The following NPAS3 variants were observed in gnomAD, a reference collection of about 807,000 sequenced individuals.
NPAS3 encodes the protein neuronal PAS domain-containing protein 3.
NPAS3 carries 14 observed loss-of-function variants against 73.1 expected under a neutral mutation model. That is an observed-to-expected ratio of 0.19 (90% CI 0.13 to 0.30). The LOEUF (loss-of-function observed/expected upper bound fraction) is 0.30. NPAS3 is among the 10% of genes least tolerant of loss of function. NPAS3 has a pLI of 1.00. For missense variants in NPAS3, 1,096 were observed against 1,250.0 expected (o/e 0.88, Z 1.86); for synonymous variants, 620 against 541.5 (o/e 1.14, Z -2.01).
chr14:33,432,820 A>G (rs1028325342), intron 4 of NPAS3, among the ~76,000 whole-genome samples: 1 of 152,218 alleles, frequency 6.6e-6, no homozygotes, highest in African/African-American at 2.4e-5. Context: ...ACTGTAAATC[A>G]CTGTACATCA....
intron 6 of NPAS3, among the ~76,000 whole-genome samples, chr14:33,679,760 C>A (rs1405077855): frequency 6.6e-6 from 1 of 152,114 alleles, no homozygotes; most frequent in Non-Finnish European, 1.5e-5. Context: ...TGATACTATG[C>A]CACAATAGGA....
chr14:33,510,590 TTAA>T (rs34037595), intron 4 of NPAS3, among the ~76,000 whole-genome samples: 3,541 of 152,162 alleles, frequency 0.023, 123 homozygotes, highest in African/African-American at 0.079. Flanking sequence ...GGGTAAGGTG[TTAA>T]TAATGCCATT....
At chr14:33,485,999 G>C (rs2051574960) in intron 4 of NPAS3, among the ~76,000 whole-genome samples, 1 of 152,080 alleles carries the variant, frequency 6.6e-6, no homozygotes, top group South Asian at 2.1e-4. Flanking sequence ...TGAGCAGGGG[G>C]AGTGGGGGCA....
intron 5 of NPAS3, among the ~76,000 whole-genome samples, chr14:33,662,664 C>T (rs116594532): frequency 0.018 from 2,722 of 152,124 alleles, 74 homozygotes; most frequent in African/African-American, 0.062. Context: ...AGGTCTTTCG[C>T]GTCCCTTGTA....
In NPAS3 at chr14:33,102,946, A is replaced by G. The variant is rs574317733; in HGVS notation, c.140+46952A>G. 2.1e-3 allele frequency among the ~76,000 whole-genome samples: 320 copies of G among 152,294 alleles called. 2 individuals carry two copies. Among genetic ancestry groups the G allele is most frequent in the Middle Eastern group, 3.4e-3 (1 of 294 alleles). ...CAAGGGTTTTTTTGCATGGAGAACTATTACCTTACAGTATAGCAGTCTGCA... is the reference window on the plus strand; with the variant it reads ...CAAGGGTTTTTTTGCATGGAGAACTGTTACCTTACAGTATAGCAGTCTGCA... On this transcript the variant is annotated intron_variant, in intron 2 of 11. Transcript: ENST00000356141.
intron 4 of NPAS3, among the ~76,000 whole-genome samples, chr14:33,477,092 C>T (rs1392137734): frequency 7.2e-6 from 1 of 138,078 alleles, no homozygotes; most frequent in Middle Eastern, 3.6e-3. Flanking sequence ...TGTGTACACA[C>T]ATGCAATGAT....
intron 1 of NPAS3, among the ~76,000 whole-genome samples, chr14:33,047,359 T>C (rs1384220717): frequency 6.6e-6 from 1 of 152,160 alleles, no homozygotes; most frequent in East Asian, 1.9e-4. Flanking sequence ...AAATCCCCAT[T>C]GTGCATGCTG....
chr14:32,975,301 C>CCTCCCTGCCTCTGTCA (rs2037612292), intron 1 of NPAS3, among the ~76,000 whole-genome samples: 1 of 116,226 alleles, frequency 8.6e-6, no homozygotes, highest in African/African-American at 3.1e-5. Context: ...TCCCTCCCTC[C>CCTCCCTGCCTCTGTCA]CTCCCTGCCT....
intron 6 of NPAS3, among the ~76,000 whole-genome samples, chr14:33,709,358 T>C (rs1445959942): frequency 2.0e-5 from 3 of 152,162 alleles, no homozygotes; most frequent in Non-Finnish European, 2.9e-5. Context: ...TGATGAATAA[T>C]ATCACAGGAT....
intron 3 of NPAS3, among the ~76,000 whole-genome samples, chr14:33,351,260 C>T (rs1466591181): frequency 6.6e-6 from 1 of 152,188 alleles, no homozygotes; most frequent in Non-Finnish European, 1.5e-5. Context: ...CAAATACCCG[C>T]AGCCGTGCAG....
chr14:33,113,850 C>T (rs2042976139), intron 2 of NPAS3, among the ~76,000 whole-genome samples: 1 of 152,058 alleles, frequency 6.6e-6, no homozygotes, highest in South Asian at 2.1e-4. Flanking sequence ...CCATCAATAC[C>T]TAATTTATTG....
chr14:33,328,661 G>A (rs1211142455), intron 3 of NPAS3, among the ~76,000 whole-genome samples: 25 of 151,416 alleles, frequency 1.7e-4, no homozygotes, highest in Admixed American at 1.6e-3. Flanking sequence ...GTTTCACTGT[G>A]TTAGCCAGGA....
chr14:33,055,258 G>T (rs968395989), intron 1 of NPAS3, among the ~76,000 whole-genome samples: 1 of 152,152 alleles, frequency 6.6e-6, no homozygotes, highest in African/African-American at 2.4e-5. Flanking sequence ...AATTGTGTAA[G>T]CTTTTTCCCC....
intron 4 of NPAS3, among the ~76,000 whole-genome samples, chr14:33,369,404 C>CAAAAAGAAAAA (rs2045981872): frequency 1.1e-5 from 1 of 90,890 alleles, no homozygotes; most frequent in Admixed American, 1.2e-4. Context: ...GCCTCATTTC[C>CAAAAAGAAAAA]AAAAAAAAAA....
At chr14:33,185,659 AAC>A (rs561660473) in intron 2 of NPAS3, among the ~76,000 whole-genome samples, 4 of 151,922 alleles carry the variant, frequency 2.6e-5, no homozygotes, top group Non-Finnish European at 5.9e-5. Flanking sequence ...AAATCACAGG[AAC>A]ACACACACAC....
At chr14:33,117,757 A>G (rs190312807) in intron 2 of NPAS3, among the ~76,000 whole-genome samples, 356 of 152,218 alleles carry the variant, frequency 2.3e-3, no homozygotes, top group African/African-American at 7.2e-3. Context: ...TTCTGTTGGT[A>G]TTAGTAAATA....
chr14:33,536,513 C>T (rs80061543), intron 4 of NPAS3, among the ~76,000 whole-genome samples: 3 of 152,002 alleles, frequency 2.0e-5, no homozygotes, highest in African/African-American at 7.3e-5. Context: ...AGAACTAATA[C>T]GAAGAAGTGT....
chr14:33,223,741 T>C lies in NPAS3; in HGVS notation c.385+8315T>C, dbSNP rs548401388. On this transcript the variant is annotated intron_variant, in intron 3 of 11. Transcript: ENST00000356141. ...AAAAGCCACATACCCTAACTCTTAA[T>C]ATTTTGCTAATATTTCTATTTTCCT... 3.9e-5 allele frequency among the ~76,000 whole-genome samples: 6 copies of C among 152,294 alleles called. No individual in the cohort carries two copies. In the South Asian group the frequency reaches 1.0e-3, roughly 26 times the overall value.
chr14:33,381,841 A>G (rs937190465), intron 4 of NPAS3, among the ~76,000 whole-genome samples: 3 of 152,206 alleles, frequency 2.0e-5, no homozygotes, highest in African/African-American at 7.2e-5. Flanking sequence ...AAAGTATTTG[A>G]GGAAAATGAC....
Sources: allele counts gnomAD v4.1 joint callset (sites outside exome capture counted in the v4.1 genomes callset), GRCh38; gene constraint gnomAD v4.1.1; transcripts MANE v1.5; gene names NCBI Gene and HGNC (gene_info 2026-07-23, HGNC 2026-07-21).